SMAP1: variants seen among roughly 807,000 people sequenced by gnomAD.
SMAP1 encodes stromal membrane-associated protein 1.
A neutral mutation model predicts 58.5 loss-of-function variants in SMAP1; 24 were observed. That is an observed-to-expected ratio of 0.41 (90% CI 0.30 to 0.58). SMAP1 has a LOEUF of 0.58. Among genes scored for constraint, SMAP1 ranks in the 20% least tolerant of loss-of-function variants. The pLI is 0.29. For synonymous variants in SMAP1, 216 were observed against 196.6 expected, an observed-to-expected ratio of 1.10 and a Z score of -0.82; for missense variants, 563 against 566.3, an observed-to-expected ratio of 0.99 and a Z score of 0.06.
At chr6:70,676,298 T>C (rs534648498) in intron 1 of SMAP1, among the ~76,000 whole-genome samples, 1 of 152,322 alleles carries the variant, frequency 6.6e-6, no homozygotes, top group South Asian at 2.1e-4. Flanking sequence ...ATTGGTAATA[T>C]ATATTTTCTT....
Position 70,791,750 on chromosome 6 carries a change from T to G in SMAP1, c.476T>G (p.Val159Gly). ...TCCTCTCCTTCTCTGCAAGCTGCTG[T>G]TGACAAAAATAAATTGGAGGTATGG... ...LVSSPSLQAA[V>G]DKNKLEKEKE... The change falls in exon 5 of 11, where the codon GTT (valine) becomes GGT (glycine). Residue 159 changes from valine (V) to glycine (G), a missense_variant. This residue lies in a region of SMAP1 where 494 missense variants were observed against 473.8 expected (regional missense o/e 1.04). Transcript: ENST00000370455. 6.2e-7 allele frequency: 1 copy of G among 1,613,424 alleles called. No individual in the cohort carries two copies. The highest frequency in any genetic ancestry group is 8.5e-7 in the Non-Finnish European group (1 of 1,179,658).
At chr6:70,833,130 T>C (rs1245777809) in intron 6 of SMAP1, among the ~76,000 whole-genome samples, 1 of 152,228 alleles carries the variant, frequency 6.6e-6, no homozygotes, top group Non-Finnish European at 1.5e-5. Flanking sequence ...TAAGTATTTG[T>C]TACTCTATCT....
intron 4 of SMAP1, among the ~76,000 whole-genome samples, chr6:70,791,244 C>T (rs997135451): frequency 2.6e-5 from 4 of 152,042 alleles, no homozygotes; most frequent in Non-Finnish European, 5.9e-5. Context: ...ATTTCAACTC[C>T]GTTTTATTTT....
At chr6:70,802,084 A>G (rs910317573) in intron 6 of SMAP1, among the ~76,000 whole-genome samples, 3 of 152,162 alleles carry the variant, frequency 2.0e-5, no homozygotes, top group East Asian at 1.9e-4. Context: ...AGATGGCATT[A>G]AATCTATAAA....
intron 1 of SMAP1, among the ~76,000 whole-genome samples, chr6:70,690,720 G>T (rs1157488228): frequency 6.7e-6 from 1 of 148,810 alleles, no homozygotes; most frequent in Non-Finnish European, 1.5e-5. Flanking sequence ...TTTTGAATTT[G>T]ATTTGCTATG....
intron 6 of SMAP1, among the ~76,000 whole-genome samples, chr6:70,804,283 T>C (rs1191723807): frequency 1.3e-5 from 2 of 152,128 alleles, no homozygotes; most frequent in Non-Finnish European, 2.9e-5. Flanking sequence ...TTGAAGTCTG[T>C]TTTATCAGAG....
intron 2 of SMAP1, among the ~76,000 whole-genome samples, chr6:70,740,475 A>C (rs1374221721): frequency 6.1e-5 from 5 of 81,860 alleles, no homozygotes; most frequent in African/African-American, 1.5e-4. Context: ...CAAAAAAAAA[A>C]AAACAAAAAA....
At chr6:70,740,241 T>TC (rs1765759160) in intron 2 of SMAP1, among the ~76,000 whole-genome samples, 1 of 152,146 alleles carries the variant, frequency 6.6e-6, no homozygotes, top group South Asian at 2.1e-4. Flanking sequence ...ACCTCCCTCT[T>TC]CCGTTGTTTT....
intron 1 of SMAP1, chr6:70,668,832 T>C: frequency 1.6e-6 from 2 of 1,213,130 alleles, no homozygotes; most frequent in South Asian, 1.5e-5. Context: ...CATGAGTCTC[T>C]TGGAGGACGG....
chr6:70,757,058 C>T (rs996065541), intron 3 of SMAP1, among the ~76,000 whole-genome samples: 3 of 152,180 alleles, frequency 2.0e-5, no homozygotes, highest in Non-Finnish European at 2.9e-5. Context: ...CCGGCATTGC[C>T]AAGGCAATCC....
At position 70,791,732 on chromosome 6, in the gene SMAP1, C is replaced by G; in HGVS notation, c.458C>G (p.Pro153Arg). 6.2e-7 allele frequency: 1 copy of G among 1,613,444 alleles called. No homozygotes were observed. Residue 153 changes from proline (P) to arginine (R), a missense_variant, in exon 5 of 11, where the codon CCT (proline) becomes CGT (arginine). Physicochemically the swap from Pro to Arg is moderately radical, Grantham distance 103 (BLOSUM62 -2). Around this residue, in one of 3 missense-constraint regions of SMAP1, gnomAD observed 494 missense variants for 473.8 expected, o/e 1.04. Transcript: ENST00000370455. ...CCTCTTCAGCCTTTGGTATCCTCTC[C>G]TTCTCTGCAAGCTGCTGTTGACAAA... ...DAPLQPLVSS[P>R]SLQAAVDKNK...
chr6:70,774,659 A>G (rs957892922), intron 4 of SMAP1, among the ~76,000 whole-genome samples: 13 of 151,546 alleles, frequency 8.6e-5, no homozygotes, highest in African/African-American at 2.9e-4. Flanking sequence ...TGGGAGGATC[A>G]TTTGAACCCA....
At chr6:70,718,258 C>T (rs1302918235) in intron 1 of SMAP1, among the ~76,000 whole-genome samples, 2 of 152,096 alleles carry the variant, frequency 1.3e-5, no homozygotes, top group Non-Finnish European at 2.9e-5. Flanking sequence ...TGAACTGGGG[C>T]AGAGGTCCAG....
intron 5 of SMAP1, 65 bp from the exon 6 acceptor site, chr6:70,798,592 G>A: frequency 1.6e-6 from 2 of 1,239,082 alleles, no homozygotes; most frequent in Non-Finnish European, 2.2e-6. Flanking sequence ...AAACTAATAA[G>A]GATGAGTCAA....
intron 4 of SMAP1, among the ~76,000 whole-genome samples, chr6:70,786,826 C>T (rs1768058016): frequency 6.6e-6 from 1 of 152,160 alleles, no homozygotes; most frequent in Non-Finnish European, 1.5e-5. Flanking sequence ...GAAGAACATT[C>T]CATGCTCATG....
intron 2 of SMAP1, among the ~76,000 whole-genome samples, chr6:70,753,600 A>G (rs1315359164): frequency 1.3e-5 from 2 of 152,126 alleles, no homozygotes; most frequent in African/African-American, 4.8e-5. Context: ...CTCCCCACAC[A>G]CAGAATTACG....
chr6:70,689,086 A>G (rs927132779), intron 1 of SMAP1, among the ~76,000 whole-genome samples: 4 of 152,136 alleles, frequency 2.6e-5, no homozygotes, highest in African/African-American at 9.6e-5. Context: ...TGCATACCCT[A>G]CGTCCCAATC....
chr6:70,793,982 C>T (rs146368750), intron 5 of SMAP1, among the ~76,000 whole-genome samples: 2 of 152,258 alleles, frequency 1.3e-5, no homozygotes, highest in Non-Finnish European at 2.9e-5. Flanking sequence ...ATCTGCCCAC[C>T]TCAGCCTACC....
chr6:70,688,620 C>T (rs186736046), intron 1 of SMAP1, among the ~76,000 whole-genome samples: 9 of 152,208 alleles, frequency 5.9e-5, no homozygotes, highest in African/African-American at 2.2e-4. Context: ...GTTCATGTTT[C>T]ATTTTCTAAA....
Sources: gnomAD v4.1 joint callset for allele counts (sites outside exome capture counted in the v4.1 genomes callset) on GRCh38, gnomAD v4.1.1 for gene constraint, gnomAD v4.1.1 regional missense constraint, MANE v1.5 for transcripts, NCBI Gene and HGNC (gene_info 2026-07-23, HGNC 2026-07-21) for gene names.